Variants in LRMDA observed in about 807,000 individuals in gnomAD.
LRMDA encodes the protein leucine-rich melanocyte differentiation-associated protein.
A neutral mutation model predicts 29.8 loss-of-function variants in LRMDA; 18 were observed. The ratio of observed to expected loss-of-function variants is 0.60; its 90% CI spans 0.42 to 0.90. The LOEUF (loss-of-function observed/expected upper bound fraction) is 0.90. Ranked by LOEUF, LRMDA falls within the 40% of genes least tolerant of loss-of-function variation. The probability of loss-of-function intolerance (pLI) is 0.00; values close to 1 mark genes in which losing one functional copy is unlikely to be tolerated. For synonymous variants in LRMDA, 125 were observed against 109.4 expected (o/e 1.14, Z -0.89); for missense variants, 273 against 273.9 (o/e 1.00, Z 0.02).
chr10:76,186,966 C>T (rs1851161358), intron 5 of LRMDA, among the ~76,000 whole-genome samples: 1 of 152,134 alleles, frequency 6.6e-6, no homozygotes, highest in Non-Finnish European at 1.5e-5. Context: ...TTAATTTCTT[C>T]AAGATAAGGA....
intron 6 of LRMDA, among the ~76,000 whole-genome samples, chr10:76,451,249 T>C (rs1842403208): frequency 6.6e-6 from 1 of 152,204 alleles, no homozygotes; most frequent in South Asian, 2.1e-4. Flanking sequence ...TCGCCCAGGC[T>C]GGAGTGCAGT....
chr10:75,912,562 A>G (rs1454195893), intron 2 of LRMDA, among the ~76,000 whole-genome samples: 1 of 152,162 alleles, frequency 6.6e-6, no homozygotes, highest in Non-Finnish European at 1.5e-5. Context: ...TATTTGCAAA[A>G]TGGTAAATGT....
intron 4 of LRMDA, 46 bp from the exon 5 acceptor site, chr10:76,058,620 G>T (rs1186254626): frequency 6.8e-7 from 1 of 1,469,254 alleles, no homozygotes; most frequent in Non-Finnish European, 9.5e-7. Flanking sequence ...GATCTCTGAG[G>T]CTGCCACTCA....
In LRMDA at chr10:76,058,778, C is replaced by T; in HGVS notation, c.511C>T (p.Pro171Ser). The T allele has an allele frequency of 6.2e-7, 1 of 1,610,770 alleles. No homozygotes were observed. ...AGGAGTCTTCATGAAGGTGGTGAAG[C>T]CCAAGGTGAGCTGCCTACTTGCTGT... ...VRGVFMKVVK[P>S]KASSEDVASS... is the part of the protein sequence containing the mutation. Residue 171 changes from proline (P) to serine (S), a missense_variant, in exon 5 of 7, where the codon CCC becomes TCC. Pro to Ser is a moderately conservative substitution (Grantham distance 74). Transcript: ENST00000611255.
At chr10:75,442,637 T>C (rs1352143092) in intron 2 of LRMDA, among the ~76,000 whole-genome samples, 1 of 152,140 alleles carries the variant, frequency 6.6e-6, no homozygotes, top group African/African-American at 2.4e-5. Context: ...TCGGTATGTA[T>C]TGTTTTGATA....
At chr10:75,897,649 C>G (rs1458546476) in intron 2 of LRMDA, among the ~76,000 whole-genome samples, 2 of 152,238 alleles carry the variant, frequency 1.3e-5, no homozygotes, top group East Asian at 3.9e-4. Flanking sequence ...TCAGTGGTTA[C>G]ATAGTTCACT....
rs149088207 is a variant in LRMDA, at chr10:76,406,349, A to G, written c.601+81864A>G. On this transcript the variant is annotated intron_variant, in intron 6 of 6. Coordinates refer to ENST00000611255, the MANE Select transcript of LRMDA (RefSeq NM_001305581.2). ...AAAGGCAGTAGGGAGAGAGGTGTGA[A>G]TATCCTAAAAGGGCTTCTGATGAAC... Among the ~76,000 whole-genome samples, 286 of 152,342 alleles carry G rather than the reference A, an allele frequency of 1.9e-3. 1 individual carries two copies. The highest frequency in any genetic ancestry group is 6.5e-3 in the African/African-American group (272 of 41,576).
chr10:75,875,430 T>C (rs1022992996), intron 2 of LRMDA, among the ~76,000 whole-genome samples: 1 of 152,128 alleles, frequency 6.6e-6, no homozygotes, highest in African/African-American at 2.4e-5. Flanking sequence ...CCTTTTCTGT[T>C]TTTCTTTTTC....
intron 5 of LRMDA, among the ~76,000 whole-genome samples, chr10:76,205,656 T>C (rs1006712626): frequency 7.9e-4 from 120 of 152,258 alleles, no homozygotes; most frequent in Middle Eastern, 3.4e-3. Context: ...ATTCCCTAAA[T>C]TACTTTTCTT....
chr10:76,162,680 G>C (rs1850669135), intron 5 of LRMDA, among the ~76,000 whole-genome samples: 2 of 152,104 alleles, frequency 1.3e-5, no homozygotes, highest in South Asian at 4.2e-4. Context: ...ATGGTGCTGA[G>C]GCATTTGTGA....
chr10:75,490,282 T>C (rs1844969126), intron 2 of LRMDA, among the ~76,000 whole-genome samples: 1 of 151,958 alleles, frequency 6.6e-6, no homozygotes, highest in Non-Finnish European at 1.5e-5. Flanking sequence ...AAATTAGTGA[T>C]GATGAGAAGT....
At chr10:75,804,873 C>T (rs1276320803) in intron 2 of LRMDA, among the ~76,000 whole-genome samples, 1 of 152,120 alleles carries the variant, frequency 6.6e-6, no homozygotes, top group Non-Finnish European at 1.5e-5. Flanking sequence ...GGAGTGGTCC[C>T]TGCGTTGACA....
At chr10:75,696,705 T>C (rs189609608) in intron 2 of LRMDA, among the ~76,000 whole-genome samples, 15 of 152,316 alleles carry the variant, frequency 9.8e-5, no homozygotes, top group African/African-American at 3.4e-4. Context: ...AAATAACTTC[T>C]CAAGTTCATA....
chr10:76,484,643 G>A (rs867245449), intron 6 of LRMDA, among the ~76,000 whole-genome samples: 5 of 151,922 alleles, frequency 3.3e-5, no homozygotes, highest in Middle Eastern at 3.4e-3. Context: ...CTGTGATCCT[G>A]ATAAAATCAT....
chr10:76,186,684 T>C (rs552491794), intron 5 of LRMDA, among the ~76,000 whole-genome samples: 3 of 152,294 alleles, frequency 2.0e-5, no homozygotes, highest in African/African-American at 7.2e-5. Context: ...GGTGCACATT[T>C]ATTGGGTAGT....
intron 2 of LRMDA, among the ~76,000 whole-genome samples, chr10:75,885,425 G>A (rs1042593962): frequency 1.2e-4 from 18 of 152,166 alleles, no homozygotes; most frequent in Non-Finnish European, 1.3e-4. Flanking sequence ...TCAGCTTTTC[G>A]TAAGTAAAAT....
intron 5 of LRMDA, among the ~76,000 whole-genome samples, chr10:76,322,712 C>G (rs544054060): frequency 6.6e-6 from 1 of 152,286 alleles, no homozygotes; most frequent in East Asian, 1.9e-4. Context: ...CACTACACAA[C>G]AAACTAAAAC....
chr10:75,802,666 T>C (rs1048489384), intron 2 of LRMDA, among the ~76,000 whole-genome samples: 1 of 151,058 alleles, frequency 6.6e-6, no homozygotes, highest in African/African-American at 2.4e-5. Flanking sequence ...AAACAAACAC[T>C]ATCGAATGAA....
At chr10:76,274,069 A>T (rs148995727) in intron 5 of LRMDA, among the ~76,000 whole-genome samples, 199 of 152,312 alleles carry the variant, frequency 1.3e-3, no homozygotes, top group African/African-American at 4.4e-3. Context: ...TTAGTATCCC[A>T]GGTATCCCAA....
Sources: allele counts gnomAD v4.1 joint callset (sites outside exome capture counted in the v4.1 genomes callset), GRCh38; gene constraint gnomAD v4.1.1; transcripts MANE v1.5; gene names NCBI Gene and HGNC (gene_info 2026-07-23, HGNC 2026-07-21).